CCL28: variants seen among roughly 807,000 people sequenced by gnomAD.
CCL28 encodes C-C motif chemokine 28.
Under a neutral mutation model 7.1 loss-of-function variants are expected in CCL28, and 4 were observed. That is an observed-to-expected ratio of 0.56 (90% CI 0.28 to 1.29). The LOEUF (loss-of-function observed/expected upper bound fraction) is 1.29. Among genes scored for constraint, CCL28 ranks in the 50% most tolerant of loss-of-function variants. The pLI, the probability that CCL28 is intolerant of heterozygous loss-of-function variation, is 0.11. For missense variants in CCL28, 151 were observed against 163.4 expected (o/e 0.92, Z 0.41); for synonymous variants, 55 against 57.8 (o/e 0.95, Z 0.22).
downstream of CCL28, among the ~76,000 whole-genome samples, chr5:43,371,851 C>T (rs994481023): frequency 6.6e-6 from 1 of 152,152 alleles, no homozygotes; most frequent in African/African-American, 2.4e-5. Context: ...ATAGCTGAGG[C>T]TGAGTAATTT....
intron 1 of CCL28, among the ~76,000 whole-genome samples, chr5:43,407,082 A>C (rs561845990): frequency 3.9e-5 from 6 of 152,228 alleles, no homozygotes; most frequent in Non-Finnish European, 8.8e-5. Context: ...TAATTTATAG[A>C]TTCAGTGCCA....
intron 1 of CCL28, among the ~76,000 whole-genome samples, chr5:43,404,155 A>G (rs1197973614): frequency 2.0e-5 from 3 of 152,216 alleles, no homozygotes; most frequent in African/African-American, 7.2e-5. Flanking sequence ...GGAAATACAG[A>G]GAATGCCACA....
At chr5:43,403,413 C>G (rs1741124445) in intron 1 of CCL28, among the ~76,000 whole-genome samples, 1 of 152,146 alleles carries the variant, frequency 6.6e-6, no homozygotes, top group Non-Finnish European at 1.5e-5. Flanking sequence ...CTGGAGTGGA[C>G]CTCCAGCAAA....
At chr5:43,361,647 T>A in the CCL28 span, among the ~76,000 whole-genome samples, 3 of 152,296 alleles carry the variant, frequency 2.0e-5, no homozygotes, top group South Asian at 6.2e-4. Flanking sequence ...TCTTAATCCA[T>A]CTTGAGTTGA....
intron 2 of CCL28, among the ~76,000 whole-genome samples, chr5:43,387,594 C>A (rs901502667): frequency 6.6e-6 from 1 of 152,082 alleles, no homozygotes; most frequent in African/African-American, 2.4e-5. Context: ...TCTTTTTGAA[C>A]CTTTTCTTTT....
chr5:43,397,595 A>T (rs1255436777), intron 1 of CCL28, among the ~76,000 whole-genome samples: 1 of 152,184 alleles, frequency 6.6e-6, no homozygotes, highest in Non-Finnish European at 1.5e-5. Flanking sequence ...CAATATTTTT[A>T]AAAATAAAAA....
chr5:43,402,664 T>G (rs1030805656), intron 1 of CCL28, among the ~76,000 whole-genome samples: 1 of 152,158 alleles, frequency 6.6e-6, no homozygotes, highest in African/African-American at 2.4e-5. Flanking sequence ...CTGTGGCTTG[T>G]CAGACAGTGG....
chr5:43,375,240 C>T (rs950897341), downstream of CCL28, among the ~76,000 whole-genome samples: 7 of 151,556 alleles, frequency 4.6e-5, no homozygotes, highest in East Asian at 1.9e-4. Flanking sequence ...CCACCCACCA[C>T]GGTCTCCCAA....
chr5:43,367,144 G>A, the CCL28 span, among the ~76,000 whole-genome samples: 1 of 152,236 alleles, frequency 6.6e-6, no homozygotes, highest in Non-Finnish European at 1.5e-5. Flanking sequence ...AGAATTTCAA[G>A]CCAGTGGATA....
At chr5:43,358,575 C>T in the CCL28 span, among the ~76,000 whole-genome samples, 8 of 152,118 alleles carry the variant, frequency 5.3e-5, no homozygotes, top group Non-Finnish European at 1.0e-4. Context: ...TCTGTTGGAC[C>T]TAGTGCAGAA....
At chr5:43,398,281 T>A (rs1284363539) in intron 1 of CCL28, among the ~76,000 whole-genome samples, 1 of 152,168 alleles carries the variant, frequency 6.6e-6, no homozygotes, top group Non-Finnish European at 1.5e-5. Context: ...TGGAGTGCAG[T>A]AGTACAAACA....
intron 2 of CCL28, chr5:43,383,815 G>C (rs1223497076): frequency 6.6e-6 from 1 of 152,178 alleles, no homozygotes; most frequent in Admixed American, 6.5e-5. Context: ...GGCTGGGCAC[G>C]GTAGCTCACG....
downstream of CCL28, among the ~76,000 whole-genome samples, chr5:43,375,058 C>T (rs554872160): frequency 4.6e-5 from 7 of 152,046 alleles, no homozygotes; most frequent in South Asian, 4.2e-4. Flanking sequence ...ACTGCGGTCT[C>T]AGCTCACTGC....
chr5:43,401,801 T>C (rs1389399467), intron 1 of CCL28, among the ~76,000 whole-genome samples: 1 of 152,230 alleles, frequency 6.6e-6, no homozygotes, highest in Non-Finnish European at 1.5e-5. Flanking sequence ...TCACCCTTAA[T>C]TTCCTGTTCT....
At chr5:43,395,254 G>A (rs1740751511) in intron 1 of CCL28, among the ~76,000 whole-genome samples, 1 of 150,660 alleles carries the variant, frequency 6.6e-6, no homozygotes, top group Non-Finnish European at 1.5e-5. Flanking sequence ...CCAAGAAATT[G>A]TTCATTTTAT....
chr5:43,388,081 G>A, intron 2 of CCL28: 1 of 319,272 alleles, frequency 3.1e-6, no homozygotes, highest in East Asian at 5.2e-5. Flanking sequence ...ACACTTTTTG[G>A]TGACTGGGGG....
At chr5:43,408,099 A>G (rs1741371348) in intron 1 of CCL28, among the ~76,000 whole-genome samples, 1 of 152,274 alleles carries the variant, frequency 6.6e-6, no homozygotes. Context: ...TCAAGGATCT[A>G]GAACTAGAAA....
chr5:43,374,887 G>A (rs755910184), downstream of CCL28, among the ~76,000 whole-genome samples: 1 of 152,096 alleles, frequency 6.6e-6, no homozygotes, highest in African/African-American at 2.4e-5. Flanking sequence ...CAAAGAATGA[G>A]TGAAGCATTT....
At position 43,381,191 on chromosome 5, in the gene CCL28, AAGAG is replaced by A. The variant is rs1218751669; in HGVS notation, c.*665_*668del. ...AATATTTTATATAGAAACACATACA[AAGAG>A]AGGAGAGAGAAAGCAAATGTGACAC... On this transcript the variant is annotated 3_prime_UTR_variant, in exon 3 of 3. Coordinates refer to ENST00000361115, the MANE Select transcript of CCL28 (RefSeq NM_148672.3). The A allele has an allele frequency of 6.6e-6, 1 of 152,122 alleles. No individual in the cohort carries two copies. Among genetic ancestry groups the A allele is most frequent in the Non-Finnish European group, 1.5e-5 (1 of 68,016 alleles). The allele number at this position is 152,122 out of a possible 1,614,324, so 9.4% of individuals were successfully genotyped here.
Sources: gnomAD v4.1 joint callset for allele counts (sites outside exome capture counted in the v4.1 genomes callset) on GRCh38, gnomAD v4.1.1 for gene constraint, MANE v1.5 for transcripts, NCBI Gene and HGNC (gene_info 2026-07-23, HGNC 2026-07-21) for gene names.